LY9: variants seen among roughly 807,000 people sequenced by gnomAD.
LY9 encodes lymphocyte antigen 9.
LY9 carries 59 observed loss-of-function variants against 64.6 expected under a neutral mutation model. The observed-to-expected ratio is 0.91, with a 90% CI of 0.74 to 1.13. The LOEUF is 1.13. Among genes scored for constraint, LY9 ranks in the 50% most tolerant of loss-of-function variants. LY9 has a pLI of 0.00. For synonymous variants in LY9, 281 were observed against 308.5 expected, an observed-to-expected ratio of 0.91 and a Z score of 0.93; for missense variants, 789 against 797.2, an observed-to-expected ratio of 0.99 and a Z score of 0.12.
chr1:160,814,794 T>C, intron 4 of LY9, 33 bp downstream of exon 4: 1 of 1,560,196 alleles, frequency 6.4e-7, no homozygotes. Flanking sequence ...CATCACCAGA[T>C]TCCTTCTCTG....
intron 2 of LY9, among the ~76,000 whole-genome samples, chr1:160,807,497 T>A (rs1667088190): frequency 6.6e-6 from 1 of 152,128 alleles, no homozygotes; most frequent in South Asian, 2.1e-4. Context: ...ATGCTGTCAC[T>A]TGTGTTTATG....
In LY9 at chr1:160,819,344, A is replaced by C. The variant is rs746287203; in HGVS notation, c.1468A>C (p.Ser490Arg). The C allele has an allele frequency of 6.2e-7, 1 of 1,613,696 alleles. No homozygotes were observed. The highest frequency in any genetic ancestry group is 8.5e-7 in the Non-Finnish European group (1 of 1,179,690). ...GRCSVPAFCS[S>R]QAEAPADTPE... ...AGGTTCAGTCCCAGCCTTCTGTTCCAGCCAAGCTGAGGCCCCAGCGGATAC... is the reference window on the plus strand; with the variant it reads ...AGGTTCAGTCCCAGCCTTCTGTTCCCGCCAAGCTGAGGCCCCAGCGGATAC... Residue 490 changes from serine to arginine, a missense_variant, in exon 7 of 10, where the codon AGC becomes CGC. Physicochemically the swap from Ser to Arg is moderately radical, Grantham distance 110. Transcript: ENST00000263285.
intron 2 of LY9, among the ~76,000 whole-genome samples, chr1:160,803,686 G>A (rs537974737): frequency 1.3e-5 from 2 of 151,962 alleles, no homozygotes; most frequent in Non-Finnish European, 2.9e-5. Context: ...GTTTTTTGGT[G>A]GAGTCTTTAG....
chr1:160,798,096 C>CACT (rs1457983781), intron 1 of LY9, among the ~76,000 whole-genome samples: 13 of 152,316 alleles, frequency 8.5e-5, no homozygotes, highest in African/African-American at 2.6e-4. Context: ...CTGCATTGCA[C>CACT]TGTCTTCTGC....
At chr1:160,802,715 A>C (rs578122071) in intron 2 of LY9, 62 of 932,020 alleles carry the variant, frequency 6.7e-5, no homozygotes, top group Non-Finnish European at 4.2e-5. Flanking sequence ...TAAATAAATA[A>C]ATAAATAAAT....
intron 9 of LY9, among the ~76,000 whole-genome samples, chr1:160,826,367 T>C (rs887577725): frequency 6.6e-6 from 1 of 152,106 alleles, no homozygotes; most frequent in Non-Finnish European, 1.5e-5. Context: ...GTGATGTTTA[T>C]TGAAAAAAAA....
At chr1:160,800,414 T>C (rs559978261) in intron 2 of LY9, among the ~76,000 whole-genome samples, 1 of 152,276 alleles carries the variant, frequency 6.6e-6, no homozygotes, top group Non-Finnish European at 1.5e-5. Context: ...ATGATCAAAA[T>C]TTTTAGTACC....
intron 7 of LY9, among the ~76,000 whole-genome samples, chr1:160,821,151 T>TAAAA (rs373539992): frequency 0.013 from 1,407 of 105,030 alleles, 68 homozygotes; most frequent in African/African-American, 0.048. Context: ...GAAACTTTGC[T>TAAAA]AAAAAAAAAA....
At chr1:160,807,807 G>A (rs1183487657) in intron 2 of LY9, among the ~76,000 whole-genome samples, 4 of 152,174 alleles carry the variant, frequency 2.6e-5, no homozygotes, top group Admixed American at 2.6e-4. Flanking sequence ...GGTGCCCAAG[G>A]CAGTGGATTG....
chr1:160,808,350 C>A (rs1667179769), intron 2 of LY9, among the ~76,000 whole-genome samples: 1 of 152,220 alleles, frequency 6.6e-6, no homozygotes, highest in African/African-American at 2.4e-5. Context: ...CACTGTTGGG[C>A]CCCAGGACAG....
chr1:160,814,816 C>T, intron 4 of LY9, 55 bp downstream of exon 4: 2 of 1,425,960 alleles, frequency 1.4e-6, no homozygotes, highest in Admixed American at 2.0e-5. Context: ...AAGCTTTCTC[C>T]TCTGCTGCCT....
chr1:160,797,036 G>A (rs549612520), intron 1 of LY9: 8 of 818,462 alleles, frequency 9.8e-6, no homozygotes, highest in African/African-American at 7.4e-5. Context: ...ACCTGGACGC[G>A]GTTAGGTGAC....
intron 1 of LY9, among the ~76,000 whole-genome samples, chr1:160,797,542 A>C (rs1666007544): frequency 6.6e-6 from 1 of 152,224 alleles, no homozygotes; most frequent in East Asian, 1.9e-4. Flanking sequence ...AGGTCATCCA[A>C]GCCGCAAATG....
Position 160,827,690 on chromosome 1 carries a change from A to T in LY9, c.1900-58A>T, listed in dbSNP as rs79373456. 1,279 of 1,357,736 alleles carry T rather than the reference A, an allele frequency of 9.4e-4. 11 individuals are homozygous for T. The African/African-American group carries it at 0.016, about 17-fold the overall frequency. The allele number at this position is 1,357,736 out of a possible 1,614,324, so 84.1% of individuals were successfully genotyped here. On this transcript the variant is annotated intron_variant, in intron 9 of 9. Coordinates refer to ENST00000263285, the MANE Select transcript of LY9 (RefSeq NM_002348.4). The stretch of plus-strand genomic sequence containing the variant: ...CCTGGCCTTGCCTTCCTCTTTCATC[A>T]GCCTCACTCTTCCAAGGCTTTATTA...
chr1:160,826,775 G>A (rs1457423415), intron 9 of LY9, among the ~76,000 whole-genome samples: 1 of 152,212 alleles, frequency 6.6e-6, no homozygotes, highest in African/African-American at 2.4e-5. Context: ...CTTCTAGACA[G>A]TAGTCTAATG....
intron 1 of LY9, chr1:160,799,430 A>G (rs1666226464): frequency 3.9e-6 from 1 of 256,276 alleles, no homozygotes; most frequent in Non-Finnish European, 7.5e-6. Flanking sequence ...TGGTGCAGGT[A>G]TGAGCATTTC....
chr1:160,817,803 C>T (rs1668073670), intron 5 of LY9, among the ~76,000 whole-genome samples: 1 of 152,334 alleles, frequency 6.6e-6, no homozygotes. Flanking sequence ...AAGGTACGGT[C>T]TACCCAGGAT....
chr1:160,796,732 A>G (rs1024239704), intron 1 of LY9, among the ~76,000 whole-genome samples: 1 of 152,166 alleles, frequency 6.6e-6, no homozygotes, highest in Non-Finnish European at 1.5e-5. Context: ...ATTACTTTGC[A>G]TGTGTGCATA....
In LY9 at chr1:160,813,598, A is replaced by G. The variant is rs551809014; in HGVS notation, c.455-38A>G. The G allele has an allele frequency of 2.5e-6, 4 of 1,589,110 alleles. No individual in the cohort carries two copies. The African/African-American group carries it at 4.0e-5, about 16-fold the overall frequency. Reference sequence around the variant, plus strand: ...TCTCTCAGCGCTTTCCTGCTGGCAAAAGGATCTGAGCATCTTCCCATGCTG... The same window carrying G: ...TCTCTCAGCGCTTTCCTGCTGGCAAGAGGATCTGAGCATCTTCCCATGCTG... On this transcript the variant is annotated intron_variant, in intron 2 of 9. Transcript: ENST00000263285.
Sources: allele counts gnomAD v4.1 joint callset (sites outside exome capture counted in the v4.1 genomes callset), GRCh38; gene constraint gnomAD v4.1.1; transcripts MANE v1.5; gene names NCBI Gene and HGNC (gene_info 2026-07-23, HGNC 2026-07-21).